ELAC2: variants seen among roughly 807,000 people sequenced by gnomAD.
ELAC2 encodes the protein zinc phosphodiesterase ELAC protein 2.
In ELAC2, 92 loss-of-function variants were observed where a neutral mutation model predicts 105.2. The observed-to-expected ratio is 0.87, with a 90% CI of 0.74 to 1.04. The LOEUF is 1.04. Among genes scored for constraint, ELAC2 ranks in the 50% least tolerant of loss-of-function variants. The pLI, the probability that ELAC2 is intolerant of heterozygous loss-of-function variation, is 0.00. For synonymous variants in ELAC2, 468 were observed against 409.1 expected (o/e 1.14, Z -1.74); for missense variants, 1,099 against 1,071.7 (o/e 1.03, Z -0.36).
chr17:12,994,499 T>C lies in ELAC2; in HGVS notation c.2034A>G (p.Lys678=), dbSNP rs1325984023. ...MPCEALVRMG[K]DATLLIHEAT... ...CTTCATGTATCAGGAGGGTGGCATC[T>C]TTCCCTGGAGAAGCAGCACAAGGAT... is the stretch of plus-strand genomic sequence containing the variant. Residue 678 remains lysine, a synonymous_variant, in exon 22 of 24, where the codon AAA becomes AAG. Coordinates refer to ENST00000338034, the MANE Select transcript of ELAC2 (RefSeq NM_018127.7). 8 of 1,614,202 alleles carry C rather than the reference T, an allele frequency of 5.0e-6. No homozygotes were observed. Among genetic ancestry groups the C allele is most frequent in the Non-Finnish European group, 6.8e-6 (8 of 1,180,024 alleles).
In ELAC2 at chr17:12,991,865, TTACTTTAC is replaced by T. The variant is rs577146139; in HGVS notation, c.*945_*952del. Among the ~76,000 whole-genome samples, 57 of 126,848 alleles carry T rather than the reference TTACTTTAC, an allele frequency of 4.5e-4. No individual in the cohort carries two copies. The South Asian group carries it at 0.01, about 23-fold the overall frequency. 83.2% of individuals were successfully genotyped at this position (126,848 alleles called of 152,430 possible). ...AGATTCAACTTACTTACTTACTTAC[TTACTTTAC>T]TTACTTACTTCCTTGGAAAATGCTC... On this transcript the variant is annotated 3_prime_UTR_variant, in exon 24 of 24. Coordinates refer to ENST00000338034, the MANE Select transcript of ELAC2 (RefSeq NM_018127.7).
chr17:12,996,238 T>C (rs1238430109), intron 17 of ELAC2: 4 of 627,008 alleles, frequency 6.4e-6, no homozygotes, highest in Admixed American at 2.8e-5. Context: ...GGTGAGGGTC[T>C]CATAGCCACA....
chr17:13,003,969 C>T, intron 11 of ELAC2: 1 of 237,086 alleles, frequency 4.2e-6, no homozygotes, highest in Non-Finnish European at 8.5e-6. Context: ...ACCTCCTGCA[C>T]CTCCAATGCC....
chr17:13,017,591 A>G, intron 1 of ELAC2, 112 bp downstream of exon 1: 1 of 1,558,826 alleles, frequency 6.4e-7, no homozygotes, highest in Non-Finnish European at 8.7e-7. Context: ...CCCCCGCAAC[A>G]GTGAACCACA....
chr17:12,992,318 G>A lies in ELAC2; in HGVS notation c.*500C>T. On this transcript the variant is annotated 3_prime_UTR_variant, in exon 24 of 24. Transcript: ENST00000338034. ...GGCAGCTGCCACACTACAGCACAGAGAGCCTTCTCCAAGGTGGTGCACAGC... is the reference window on the plus strand; with the variant it reads ...GGCAGCTGCCACACTACAGCACAGAAAGCCTTCTCCAAGGTGGTGCACAGC... 7.7e-6 allele frequency: 2 copies of A among 260,320 alleles called. No individual in the cohort carries two copies. The highest frequency in any genetic ancestry group is 4.7e-5 in the Admixed American group (1 of 21,094). 16.1% of individuals were successfully genotyped at this position (260,320 alleles called of 1,614,324 possible).
At position 12,993,791 on chromosome 17, in the gene ELAC2, C is replaced by T. The variant is rs796103645; in HGVS notation, c.2149G>A (p.Ala717Thr). ...AAGTGGTTCAGCATAATGAACTCCG[C>T]GTTCATCCGCATCCCCACGCTGATG... ...QAISVGMRMNAEFIMLNHFSQ... is the reference protein window; with the variant it reads ...QAISVGMRMNTEFIMLNHFSQ... Residue 717 changes from alanine to threonine, a missense_variant, in exon 23 of 24, where the codon GCG (alanine) becomes ACG (threonine). Coordinates refer to ENST00000338034, the MANE Select transcript of ELAC2 (RefSeq NM_018127.7). 1.2e-5 allele frequency: 19 copies of T among 1,614,062 alleles called. No homozygotes were observed. Among genetic ancestry groups the T allele is most frequent in the East Asian group, 2.2e-5 (1 of 44,884 alleles).
rs763737021 is a variant in ELAC2 at position 13,002,598 on chromosome 17, G to A, written c.1080-19C>T. On this transcript the variant is annotated intron_variant, in intron 12 of 23. Coordinates refer to ENST00000338034, the MANE Select transcript of ELAC2 (RefSeq NM_018127.7). ...CCCAAACCTGTGAAGAAACAGACCC[G>A]GCATTTGCAGCGTCTGTTAGGAGGC... 93 of 1,586,312 alleles carry A rather than the reference G, an allele frequency of 5.9e-5. No homozygotes were observed. The highest frequency in any genetic ancestry group is 1.0e-4 in the South Asian group (9 of 87,558).
rs753675558 is a variant in ELAC2 at position 13,014,458 on chromosome 17, T to G, written c.471A>C (p.Pro157=). The change falls in exon 5 of 24, where the codon CCA becomes CCC. Residue 157 remains proline (P), a synonymous_variant. Coordinates refer to ENST00000338034, the MANE Select transcript of ELAC2 (RefSeq NM_018127.7). ...YLEAIKIFSG[P]LKGIELAVRP... is the part of the protein sequence containing the mutation. ...ACGTACCCAGTTCTATTCCTTTCAA[T>G]GGACCAGAAAATATTTTGATTGCTT... The G allele has an allele frequency of 3.7e-6, 6 of 1,613,802 alleles. No homozygotes were observed. In the South Asian group the frequency reaches 6.6e-5, roughly 18 times the overall value.
At chr17:13,001,755 T>TGGAAACATCCCAAATGA (rs2040823939) in intron 14 of ELAC2, among the ~76,000 whole-genome samples, 1 of 152,100 alleles carries the variant, frequency 6.6e-6, no homozygotes, top group Admixed American at 6.5e-5. Context: ...AACAAAAAAT[T>TGGAAACATCCCAAATGA]GGAAACATCC....
At chr17:13,016,993 TAA>T in intron 2 of ELAC2, 61 bp from the exon 3 acceptor site, 1 of 1,612,888 alleles carries the variant, frequency 6.2e-7, no homozygotes, top group Non-Finnish European at 8.5e-7. Flanking sequence ...ACTTTTGCTA[TAA>T]AAAACAACTG....
At chr17:13,005,361 T>C (rs1317928008) in intron 10 of ELAC2, among the ~76,000 whole-genome samples, 1 of 152,204 alleles carries the variant, frequency 6.6e-6, no homozygotes, top group Non-Finnish European at 1.5e-5. Flanking sequence ...CTTCAGTCTG[T>C]GGCCACTGGT....
At chr17:12,998,349 G>A (rs761686212) in intron 16 of ELAC2, 63 bp downstream of exon 16, 24 of 1,469,658 alleles carry the variant, frequency 1.6e-5, no homozygotes, top group Non-Finnish European at 2.3e-5. Context: ...AGTACAGCAG[G>A]ACTTTTGTTT....
rs377058905 is a variant in ELAC2 at position 13,016,654 on chromosome 17, C to T, written c.367+208G>A. Among the ~76,000 whole-genome samples, 41 of 149,886 alleles carry T rather than the reference C, an allele frequency of 2.7e-4. 1 individual carries two copies. Among genetic ancestry groups the T allele is most frequent in the Middle Eastern group, 3.6e-3 (1 of 280 alleles). ...AATTAGCCAGGTGTGATGGGGCACA[C>T]GTGTGGTCCCAGCTATTTGGGAGGC... On this transcript the variant is annotated intron_variant, in intron 3 of 23. Coordinates refer to ENST00000338034, the MANE Select transcript of ELAC2 (RefSeq NM_018127.7).
At chr17:13,011,433 C>T (rs545762484) in intron 7 of ELAC2, among the ~76,000 whole-genome samples, 1 of 152,320 alleles carries the variant, frequency 6.6e-6, no homozygotes, top group African/African-American at 2.4e-5. Flanking sequence ...TGGGCCTACC[C>T]AGACCCTGGG....
In ELAC2 at chr17:12,992,119, C is replaced by CTGAT. The variant is rs200938007; in HGVS notation, c.*695_*698dup. Among the ~76,000 whole-genome samples, 1,690 of 144,648 alleles carry CTGAT rather than the reference C, an allele frequency of 0.012. 74 individuals carry two copies. The East Asian group carries it at 0.15, about 13-fold the overall frequency. The allele number at this position is 144,648 out of a possible 152,430, so 94.9% of individuals were successfully genotyped here. A position where few individuals can be genotyped will look rare whatever the true frequency, so the allele number is the denominator to read the frequency against. Reference sequence around the variant, plus strand: ...TGACACCAGCCCAGCCAGGCTCTCACTGATTGATTTGATTGATTGATTGAT... The same window carrying CTGAT: ...TGACACCAGCCCAGCCAGGCTCTCACTGATTGATTGATTTGATTGATTGATTGAT... On this transcript the variant is annotated 3_prime_UTR_variant, in exon 24 of 24. Coordinates refer to ENST00000338034, the MANE Select transcript of ELAC2 (RefSeq NM_018127.7).
chr17:12,998,839 C>T (rs1036589786), intron 15 of ELAC2, among the ~76,000 whole-genome samples: 1 of 152,158 alleles, frequency 6.6e-6, no homozygotes, highest in Non-Finnish European at 1.5e-5. Context: ...TCTTCACAAG[C>T]GTCCACTTCC....
intron 15 of ELAC2, 112 bp downstream of exon 15, chr17:13,000,044 G>A: frequency 1.1e-6 from 1 of 933,046 alleles, no homozygotes; most frequent in East Asian, 2.4e-5. Context: ...CCCTGGATTA[G>A]ACTGAAAAGC....
Position 12,993,814 on chromosome 17 carries a change from A to G in ELAC2, c.2126T>C (p.Ile709Thr). ...CGCGTTCATCCGCATCCCCACGCTG[A>G]TGGCTTGGGACGTTGTGCTGCAGGT... ...EKTHSTTSQA[I>T]SVGMRMNAEF... Residue 709 changes from isoleucine (I) to threonine (T), a missense_variant, in exon 23 of 24, where the codon ATC becomes ACC. Transcript: ENST00000338034. 6.2e-7 allele frequency: 1 copy of G among 1,614,180 alleles called. No individual in the cohort carries two copies.
rs775181613 is a variant in ELAC2 at position 12,993,799 on chromosome 17, C to T, written c.2141G>A (p.Arg714Gln). Residue 714 changes from arginine (R) to glutamine (Q), a missense_variant, in exon 23 of 24, where the codon CGG becomes CAG. Transcript: ENST00000338034. Reference sequence around the variant, plus strand: ...CAGCATAATGAACTCCGCGTTCATCCGCATCCCCACGCTGATGGCTTGGGA... The same window carrying T: ...CAGCATAATGAACTCCGCGTTCATCTGCATCCCCACGCTGATGGCTTGGGA... ...TTSQAISVGMRMNAEFIMLNH... is the reference protein window; with the variant it reads ...TTSQAISVGMQMNAEFIMLNH... 1.2e-5 allele frequency: 19 copies of T among 1,614,030 alleles called. No homozygotes were observed. The highest frequency in any genetic ancestry group is 4.4e-5 in the South Asian group (4 of 91,086).
Sources: allele counts gnomAD v4.1 joint callset (sites outside exome capture counted in the v4.1 genomes callset), GRCh38; gene constraint gnomAD v4.1.1; transcripts MANE v1.5; gene names NCBI Gene and HGNC (gene_info 2026-07-23, HGNC 2026-07-21).